DNAH7: variants seen among roughly 807,000 people sequenced by gnomAD.
The protein encoded by DNAH7 is dynein axonemal heavy chain 7.
Under a neutral mutation model 444.6 loss-of-function variants are expected in DNAH7, and 397 were observed. The observed-to-expected ratio is 0.89, with a 90% CI of 0.82 to 0.97. DNAH7 has a LOEUF of 0.97. Among genes scored for constraint, DNAH7 ranks in the 50% least tolerant of loss-of-function variants. DNAH7 has a pLI of 0.00. For missense variants in DNAH7, 4,902 were observed against 4,800.8 expected, an observed-to-expected ratio of 1.02 and a Z score of -0.62; for synonymous variants, 1,636 against 1,624.4, an observed-to-expected ratio of 1.01 and a Z score of -0.17.
intron 57 of DNAH7, among the ~76,000 whole-genome samples, chr2:195,792,266 T>C (rs73062145): frequency 0.1 from 14,973 of 149,480 alleles, 1,116 homozygotes; most frequent in East Asian, 0.27. Context: ...GGTACTATGC[T>C]CACTACCTGG....
intron 63 of DNAH7, among the ~76,000 whole-genome samples, chr2:195,751,578 A>T (rs894896291): frequency 2.6e-5 from 4 of 152,222 alleles, no homozygotes; most frequent in African/African-American, 9.6e-5. Context: ...TTTGAAGTTA[A>T]TAAGCAGAGT....
intron 15 of DNAH7, among the ~76,000 whole-genome samples, chr2:195,983,328 A>C (rs1692696664): frequency 6.6e-6 from 1 of 152,116 alleles, no homozygotes; most frequent in African/African-American, 2.4e-5. Flanking sequence ...TAAATTTGTA[A>C]AGAAAATAGG....
At position 195,984,777 on chromosome 2, in the gene DNAH7, T is replaced by C; in HGVS notation, c.1755-67A>G. On this transcript the variant is annotated intron_variant, in intron 14 of 64. Coordinates refer to ENST00000312428, the MANE Select transcript of DNAH7 (RefSeq NM_018897.3). ...AATTTAATTCCAAAATATATTCCTGTATACTGTTTAAATATTCCATTGCAT... is the reference window on the plus strand; with the variant it reads ...AATTTAATTCCAAAATATATTCCTGCATACTGTTTAAATATTCCATTGCAT... 4.4e-6 allele frequency: 6 copies of C among 1,378,924 alleles called. No homozygotes were observed. The Admixed American group carries it at 1.0e-4, about 24-fold the overall frequency. 85.4% of individuals were successfully genotyped at this position (1,378,924 alleles called of 1,614,324 possible).
At chr2:195,749,887 A>G (rs922439751) in intron 63 of DNAH7, among the ~76,000 whole-genome samples, 1 of 151,910 alleles carries the variant, frequency 6.6e-6, no homozygotes, top group African/African-American at 2.4e-5. Flanking sequence ...ATGCTAAATG[A>G]GGAGTTAATG....
At chr2:195,881,657 T>A (rs1035640239) in intron 36 of DNAH7, 138 bp downstream of exon 36, 1 of 804,266 alleles carries the variant, frequency 1.2e-6, no homozygotes, top group Non-Finnish European at 1.9e-6. Flanking sequence ...AAAAAATAAG[T>A]GGCAATTTTT....
At chr2:195,931,380 C>A (rs377704133) in intron 21 of DNAH7, among the ~76,000 whole-genome samples, 1 of 152,044 alleles carries the variant, frequency 6.6e-6, no homozygotes, top group East Asian at 1.9e-4. Context: ...GTTGCCTGTT[C>A]ACTCTGATGG....
chr2:196,050,047 A>G (rs183283401), intron 3 of DNAH7, among the ~76,000 whole-genome samples: 2 of 152,316 alleles, frequency 1.3e-5, no homozygotes, highest in East Asian at 3.9e-4. Context: ...TGTTCAATAT[A>G]ATTAATCTAA....
chr2:195,935,113 C>G (rs1050414475), intron 20 of DNAH7, among the ~76,000 whole-genome samples: 2 of 152,130 alleles, frequency 1.3e-5, no homozygotes, highest in African/African-American at 4.8e-5. Context: ...AGGAGAAAAC[C>G]AATCTTGACT....
chr2:195,781,018 A>G (rs1695347102), intron 58 of DNAH7, among the ~76,000 whole-genome samples: 1 of 152,082 alleles, frequency 6.6e-6, no homozygotes. Context: ...GTTATTTGGT[A>G]GAACTAGAAC....
At chr2:196,015,472 TATG>T (rs1346049775) in intron 9 of DNAH7, among the ~76,000 whole-genome samples, 1 of 152,228 alleles carries the variant, frequency 6.6e-6, no homozygotes, top group East Asian at 1.9e-4. Context: ...TACATTCAAC[TATG>T]ATGATTTATA....
At chr2:196,013,383 G>C (rs901249799) in intron 9 of DNAH7, among the ~76,000 whole-genome samples, 4 of 152,050 alleles carry the variant, frequency 2.6e-5, no homozygotes, top group Admixed American at 2.6e-4. Context: ...TTTTTTTAAA[G>C]AACACAGGGA....
At chr2:195,930,593 C>T (rs1002811423) in intron 21 of DNAH7, among the ~76,000 whole-genome samples, 3 of 152,176 alleles carry the variant, frequency 2.0e-5, no homozygotes, top group Non-Finnish European at 4.4e-5. Flanking sequence ...TAAGTTAGTT[C>T]AGCTGCTGTG....
Position 195,979,112 on chromosome 2 carries a change from A to G in DNAH7, c.1833+5520T>C, listed in dbSNP as rs10460391. 8.0e-3 allele frequency among the ~76,000 whole-genome samples: 1,218 copies of G among 152,314 alleles called. 26 individuals carry two copies. Among genetic ancestry groups the G allele is most frequent in the East Asian group, 0.051 (262 of 5,182 alleles). ...AATCATCAGATTTAATCTGCACTAT[A>G]GACCAAATAGACCTAATAGATATTT... is the stretch of plus-strand genomic sequence containing the variant. On this transcript the variant is annotated intron_variant, in intron 15 of 64. Coordinates refer to ENST00000312428, the MANE Select transcript of DNAH7 (RefSeq NM_018897.3).
At chr2:196,019,550 T>C (rs942288628) in intron 8 of DNAH7, among the ~76,000 whole-genome samples, 2 of 152,164 alleles carry the variant, frequency 1.3e-5, no homozygotes, top group African/African-American at 4.8e-5. Flanking sequence ...TATCTCCAAA[T>C]ACTTGATCTT....
chr2:196,022,641 A>T (rs12473508), intron 8 of DNAH7, among the ~76,000 whole-genome samples: 76,831 of 152,020 alleles, frequency 0.51, 22,244 homozygotes, highest in Non-Finnish European at 0.64. Context: ...CTTCCAACAC[A>T]TCTTTCCAAC....
chr2:195,887,923 G>A (rs1701798755), intron 33 of DNAH7, among the ~76,000 whole-genome samples: 1 of 151,870 alleles, frequency 6.6e-6, no homozygotes. Flanking sequence ...GGACTGACTG[G>A]CTTATTTTAG....
chr2:195,963,981 T>A (rs557876403), intron 17 of DNAH7, among the ~76,000 whole-genome samples: 64 of 152,336 alleles, frequency 4.2e-4, no homozygotes, highest in African/African-American at 1.5e-3. Flanking sequence ...TCTGTTTTTC[T>A]GCCAGTACCA....
chr2:196,021,622 C>T (rs1250024613), intron 8 of DNAH7, among the ~76,000 whole-genome samples: 2 of 151,268 alleles, frequency 1.3e-5, no homozygotes, highest in Non-Finnish European at 2.9e-5. Context: ...GAGTTCGAGA[C>T]CAGCCTGGGC....
chr2:195,967,368 C>T (rs749203914), intron 17 of DNAH7, among the ~76,000 whole-genome samples: 1 of 152,016 alleles, frequency 6.6e-6, no homozygotes, highest in Non-Finnish European at 1.5e-5. Flanking sequence ...TTTAGTCTTT[C>T]TACTTAAGAC....
Sources: allele counts gnomAD v4.1 joint callset (sites outside exome capture counted in the v4.1 genomes callset), GRCh38; gene constraint gnomAD v4.1.1; transcripts MANE v1.5; gene names NCBI Gene and HGNC (gene_info 2026-07-23, HGNC 2026-07-21).